Variants in PDE10A observed in about 807,000 individuals in gnomAD.
PDE10A encodes the protein phosphodiesterase 10A.
A neutral mutation model predicts 97.7 loss-of-function variants in PDE10A; 39 were observed. That is an observed-to-expected ratio of 0.40 (90% confidence interval 0.31 to 0.52). The LOEUF (loss-of-function observed/expected upper bound fraction) is 0.52. Ranked by LOEUF, PDE10A falls within the 20% of genes least tolerant of loss-of-function variation. PDE10A has a pLI of 0.56. For synonymous variants in PDE10A, 371 were observed against 376.8 expected, an observed-to-expected ratio of 0.98 and a Z score of 0.18; for missense variants, 731 against 1,047.8, an observed-to-expected ratio of 0.70 and a Z score of 4.17.
At chr6:165,785,562 C>G (rs1583086194) in intron 1 of PDE10A, among the ~76,000 whole-genome samples, 1 of 152,306 alleles carries the variant, frequency 6.6e-6, no homozygotes, top group East Asian at 1.9e-4. Context: ...AAATTCGTAT[C>G]CACTTGTCAT....
chr6:165,785,299 C>A (rs1390948997), intron 1 of PDE10A, among the ~76,000 whole-genome samples: 7 of 152,212 alleles, frequency 4.6e-5, no homozygotes, highest in African/African-American at 7.2e-5. Context: ...TAGTTATTCT[C>A]ATTTTTCCCC....
intron 1 of PDE10A, among the ~76,000 whole-genome samples, chr6:165,653,606 A>G (rs1315828647): frequency 6.6e-6 from 1 of 152,164 alleles, no homozygotes; most frequent in Non-Finnish European, 1.5e-5. Flanking sequence ...CCCGGGGCAC[A>G]GCTTTCCCCA....
chr6:165,658,232 T>A (rs1790063063), intron 1 of PDE10A, among the ~76,000 whole-genome samples: 1 of 152,210 alleles, frequency 6.6e-6, no homozygotes, highest in South Asian at 2.1e-4. Context: ...CAGTATCTTA[T>A]GTCTCAAGAA....
At chr6:165,806,756 G>C (rs182563038) in intron 1 of PDE10A, among the ~76,000 whole-genome samples, 19 of 152,094 alleles carry the variant, frequency 1.2e-4, no homozygotes, top group Non-Finnish European at 2.4e-4. Context: ...TCTTTAAATA[G>C]TGTGAACACA....
intron 1 of PDE10A, among the ~76,000 whole-genome samples, chr6:165,884,967 T>C (rs1483862528): frequency 6.6e-6 from 1 of 152,066 alleles, no homozygotes. Flanking sequence ...TGTCGTCCTG[T>C]GTGGGTTTAA....
chr6:165,900,538 T>G lies in PDE10A; in HGVS notation c.-615+86991A>C, dbSNP rs1562789504. On this transcript the variant is annotated intron_variant, in intron 1 of 19. Coordinates refer to the PDE10A transcript ENST00000366882. ...CCAGTGGGCACACATCATCTCTCTC[T>G]CTCTCTCTTTTGTCCCTCTCTGTCT... is the stretch of plus-strand genomic sequence containing the variant. 2.0e-5 allele frequency among the ~76,000 whole-genome samples: 3 copies of G among 152,096 alleles called. 1 individual carries two copies. The highest frequency in any genetic ancestry group is 2.0e-4 in the Admixed American group (3 of 15,272).
chr6:165,595,885 A>G (rs1353588443), intron 1 of PDE10A, among the ~76,000 whole-genome samples: 2 of 152,142 alleles, frequency 1.3e-5, no homozygotes, highest in African/African-American at 4.8e-5. Flanking sequence ...ACCACCTCCC[A>G]AAGGCCCCAC....
At chr6:165,950,797 T>C (rs1295041604) in intron 1 of PDE10A, among the ~76,000 whole-genome samples, 6 of 152,184 alleles carry the variant, frequency 3.9e-5, no homozygotes, top group Admixed American at 3.9e-4. Context: ...GTGAGTATCC[T>C]GAGCTGGCTG....
chr6:165,395,193 C>T lies in PDE10A; in HGVS notation c.2291G>A (p.Cys764Tyr). The T allele has an allele frequency of 6.2e-7, 1 of 1,611,406 alleles. No homozygotes were observed. Among genetic ancestry groups the T allele is most frequent in the Non-Finnish European group, 8.5e-7 (1 of 1,177,718 alleles). ...AAGTCATTCATACCAGGATGTCCCA[C>T]AGGACCGATGAACCATGTAGACAAA... ...GIFVYMVHRS[C>Y]GTSCFELEKL... is the part of the protein sequence containing the mutation. The change falls in exon 15 of 22, where the codon TGT (cysteine) becomes TAT (tyrosine). Residue 764 changes from cysteine to tyrosine, a missense_variant. Physicochemically the swap from Cys to Tyr is radical, Grantham distance 194. Coordinates refer to ENST00000539869, the MANE Select transcript of PDE10A (RefSeq NM_001385079.1).
At chr6:165,420,821 A>G (rs1303416696) in intron 10 of PDE10A, among the ~76,000 whole-genome samples, 2 of 152,366 alleles carry the variant, frequency 1.3e-5, no homozygotes, top group Non-Finnish European at 2.9e-5. Flanking sequence ...AAAATCTTCA[A>G]CAAATTCCCG....
intron 20 of PDE10A, among the ~76,000 whole-genome samples, chr6:165,337,567 A>G (rs1432775887): frequency 1.3e-5 from 2 of 152,242 alleles, no homozygotes; most frequent in Non-Finnish European, 2.9e-5. Flanking sequence ...CAGAAAAGAT[A>G]CTAATATTAG....
chr6:165,839,936 T>C (rs1168459221), intron 1 of PDE10A, among the ~76,000 whole-genome samples: 127 of 28,930 alleles, frequency 4.4e-3, no homozygotes, highest in East Asian at 5.5e-3. Context: ...TCTCCATTCT[T>C]ATCTTCATTT....
At chr6:165,756,391 A>G (rs965724762) in intron 1 of PDE10A, among the ~76,000 whole-genome samples, 1 of 152,200 alleles carries the variant, frequency 6.6e-6, no homozygotes, top group African/African-American at 2.4e-5. Flanking sequence ...TTTCCCATTC[A>G]GCATTATTAC....
Position 165,914,471 on chromosome 6 carries a change from C to T in PDE10A, c.-615+73058G>A, listed in dbSNP as rs149157505. Reference sequence around the variant, plus strand: ...TCCACCAAGTTGCCCCTCACGTTATCCCATGGAGACTTTTCCCAGCTGAGA... The same window carrying T: ...TCCACCAAGTTGCCCCTCACGTTATTCCATGGAGACTTTTCCCAGCTGAGA... On this transcript the variant is annotated intron_variant, in intron 1 of 19. Transcript: ENST00000366882. 1.9e-3 allele frequency among the ~76,000 whole-genome samples: 296 copies of T among 152,318 alleles called. 1 individual carries two copies. The highest frequency in any genetic ancestry group is 6.8e-3 in the African/African-American group (281 of 41,572).
chr6:165,932,340 A>AT (rs34799641), intron 1 of PDE10A, among the ~76,000 whole-genome samples: 58 of 149,308 alleles, frequency 3.9e-4, no homozygotes, highest in South Asian at 1.7e-3. Context: ...TGAGAGCTAG[A>AT]TTTTTTTTTT....
At chr6:165,623,680 G>A (rs931336449) in intron 1 of PDE10A, among the ~76,000 whole-genome samples, 2 of 152,166 alleles carry the variant, frequency 1.3e-5, no homozygotes, top group Non-Finnish European at 2.9e-5. Context: ...GGGGTCACCA[G>A]TGGCCTCTCA....
At chr6:165,587,102 G>A (rs974297354) in intron 1 of PDE10A, among the ~76,000 whole-genome samples, 1 of 152,186 alleles carries the variant, frequency 6.6e-6, no homozygotes, top group South Asian at 2.1e-4. Flanking sequence ...GAAAAGGAGA[G>A]AGTAGAATGG....
chr6:165,921,737 G>A (rs181089122), intron 1 of PDE10A, among the ~76,000 whole-genome samples: 11 of 152,308 alleles, frequency 7.2e-5, no homozygotes, highest in Non-Finnish European at 1.6e-4. Flanking sequence ...GAAACCCACT[G>A]CCATCACAGT....
chr6:165,516,687 A>G (rs186280130), intron 2 of PDE10A, among the ~76,000 whole-genome samples: 37 of 152,348 alleles, frequency 2.4e-4, no homozygotes, highest in African/African-American at 7.9e-4. Flanking sequence ...GGGGCTTATG[A>G]ATAGGTCACT....
Sources: allele counts gnomAD v4.1 joint callset (sites outside exome capture counted in the v4.1 genomes callset), GRCh38; gene constraint gnomAD v4.1.1; transcripts MANE v1.5; gene names NCBI Gene and HGNC (gene_info 2026-07-23, HGNC 2026-07-21).